Variants in CCSER1 observed in about 807,000 individuals in gnomAD.
The protein encoded by CCSER1 is coiled-coil serine rich protein 1.
A neutral mutation model predicts 82.0 loss-of-function variants in CCSER1; 41 were observed. The observed-to-expected ratio is 0.50, with a 90% confidence interval of 0.39 to 0.65. The LOEUF is 0.65. CCSER1 is among the 30% of genes least tolerant of loss of function. CCSER1 has a pLI of 0.00. For synonymous variants in CCSER1, 414 were observed against 383.9 expected (o/e 1.08, Z -0.92); for missense variants, 1,119 against 1,064.2 (o/e 1.05, Z -0.72).
intron 9 of CCSER1, among the ~76,000 whole-genome samples, chr4:91,071,494 T>C (rs576752203): frequency 3.2e-4 from 49 of 152,286 alleles, no homozygotes; most frequent in African/African-American, 1.1e-3. Context: ...GGTGGAAGAA[T>C]GCTTGGCATG....
chr4:91,251,537 C>A (rs747353727), intron 10 of CCSER1, among the ~76,000 whole-genome samples: 2 of 152,120 alleles, frequency 1.3e-5, no homozygotes, highest in Non-Finnish European at 2.9e-5. Context: ...TAAAGTTAAT[C>A]ATGTAGTTAT....
rs767622036 is a variant in CCSER1, at chr4:90,488,586, G to A, written c.1724+20232G>A. Among the ~76,000 whole-genome samples the A allele has an allele frequency of 2.9e-4, 44 of 152,260 alleles. 1 individual carries two copies. The highest frequency in any genetic ancestry group is 6.8e-3 in the Middle Eastern group (2 of 294). On this transcript the variant is annotated intron_variant, in intron 5 of 10. Coordinates refer to ENST00000509176, the MANE Select transcript of CCSER1 (RefSeq NM_001145065.2). The stretch of plus-strand genomic sequence containing the variant: ...CCCTCTAAGTATGAATCTAGTAAAT[G>A]TGGAGACCAAAATTGCATAAGAAAT...
chr4:90,734,714 T>G (rs1002148836), intron 7 of CCSER1, among the ~76,000 whole-genome samples: 1 of 152,244 alleles, frequency 6.6e-6, no homozygotes, highest in South Asian at 2.1e-4. Context: ...TTCTAATAAT[T>G]TTTTTGGTGG....
At chr4:91,446,812 A>G (rs1232439604) in intron 10 of CCSER1, among the ~76,000 whole-genome samples, 1 of 151,662 alleles carries the variant, frequency 6.6e-6, no homozygotes, top group Non-Finnish European at 1.5e-5. Context: ...TTAGATATTT[A>G]GGTTATTTCA....
intron 10 of CCSER1, among the ~76,000 whole-genome samples, chr4:91,585,219 T>TA (rs1311385707): frequency 6.6e-6 from 1 of 151,504 alleles, no homozygotes; most frequent in Admixed American, 6.6e-5. Flanking sequence ...AATATATACT[T>TA]ACTCCTTATT....
chr4:90,660,520 T>C (rs953530012), intron 6 of CCSER1, among the ~76,000 whole-genome samples: 2 of 152,254 alleles, frequency 1.3e-5, no homozygotes, highest in East Asian at 1.9e-4. Context: ...ATTCTTCAAG[T>C]TATGTCTTAT....
At chr4:91,535,021 C>G (rs1466070388) in intron 10 of CCSER1, among the ~76,000 whole-genome samples, 2 of 151,638 alleles carry the variant, frequency 1.3e-5, no homozygotes, top group African/African-American at 4.8e-5. Flanking sequence ...GTTATAAACT[C>G]TACTACAGAT....
At chr4:91,041,884 C>T (rs904548778) in intron 9 of CCSER1, among the ~76,000 whole-genome samples, 4 of 152,142 alleles carry the variant, frequency 2.6e-5, no homozygotes, top group African/African-American at 7.2e-5. Flanking sequence ...CCTGAGGATG[C>T]GCAGACATTG....
At chr4:91,023,308 C>T (rs374911550) in intron 9 of CCSER1, among the ~76,000 whole-genome samples, 12 of 152,042 alleles carry the variant, frequency 7.9e-5, no homozygotes, top group Admixed American at 1.3e-4. Context: ...AAAAACTACT[C>T]TAAAGTTCAT....
At position 91,059,950 on chromosome 4, in the gene CCSER1, A is replaced by G. The variant is rs1285506793; in HGVS notation, c.2173-26000A>G. On this transcript the variant is annotated intron_variant, in intron 9 of 10. Transcript: ENST00000509176. Reference sequence around the variant, plus strand: ...CTCTATCACTGCTGAAATGCCAACAAAAATAGTAACTGCTTTTTTCTCTAG... The same window carrying G: ...CTCTATCACTGCTGAAATGCCAACAGAAATAGTAACTGCTTTTTTCTCTAG... Among the ~76,000 whole-genome samples, 9 of 152,048 alleles carry G rather than the reference A, an allele frequency of 5.9e-5. No homozygotes were observed. In the East Asian group the frequency reaches 1.7e-3, roughly 29 times the overall value.
intron 10 of CCSER1, among the ~76,000 whole-genome samples, chr4:91,094,481 A>G (rs1724294440): frequency 6.6e-6 from 1 of 152,190 alleles, no homozygotes. Context: ...AACCAAGCGT[A>G]AGTCCTGTAC....
At chr4:90,283,651 C>T (rs1729288336) in intron 1 of CCSER1, among the ~76,000 whole-genome samples, 1 of 151,882 alleles carries the variant, frequency 6.6e-6, no homozygotes, top group Non-Finnish European at 1.5e-5. Context: ...CGAGCAATCC[C>T]TCTTTATCTC....
chr4:90,868,324 C>T (rs984873380), intron 8 of CCSER1, among the ~76,000 whole-genome samples: 3 of 151,990 alleles, frequency 2.0e-5, no homozygotes, highest in Non-Finnish European at 4.4e-5. Context: ...TACTAAACAT[C>T]CCTTTTTCCC....
chr4:91,327,197 T>C (rs1746630033), intron 10 of CCSER1, among the ~76,000 whole-genome samples: 1 of 152,176 alleles, frequency 6.6e-6, no homozygotes, highest in Admixed American at 6.5e-5. Context: ...GTAGAGTTTC[T>C]CCGTGAGGGC....
intron 10 of CCSER1, among the ~76,000 whole-genome samples, chr4:91,555,468 A>G (rs1384385114): frequency 6.6e-6 from 1 of 151,152 alleles, no homozygotes; most frequent in Non-Finnish European, 1.5e-5. Context: ...GCACATAGTA[A>G]TCAATCAACT....
At chr4:90,805,889 A>G (rs139692828) in intron 7 of CCSER1, among the ~76,000 whole-genome samples, 69 of 152,316 alleles carry the variant, frequency 4.5e-4, no homozygotes, top group Non-Finnish European at 9.0e-4. Flanking sequence ...CTACACATCA[A>G]TATGATTTCT....
At chr4:90,821,153 C>A (rs989493004) in intron 8 of CCSER1, among the ~76,000 whole-genome samples, 2 of 152,132 alleles carry the variant, frequency 1.3e-5, no homozygotes, top group Admixed American at 1.3e-4. Context: ...ATTACAGTAT[C>A]ATTTCAATCA....
intron 10 of CCSER1, among the ~76,000 whole-genome samples, chr4:91,232,119 CT>C (rs1411044109): frequency 6.6e-6 from 1 of 151,734 alleles, no homozygotes; most frequent in East Asian, 1.9e-4. Context: ...ATAGAACACA[CT>C]ATAAAAGCTT....
chr4:91,097,234 G>A (rs1724599001), intron 10 of CCSER1, among the ~76,000 whole-genome samples: 1 of 152,132 alleles, frequency 6.6e-6, no homozygotes, highest in African/African-American at 2.4e-5. Context: ...AATTATGGTT[G>A]AATATCTAAA....
Sources: gnomAD v4.1 joint callset for allele counts (sites outside exome capture counted in the v4.1 genomes callset) on GRCh38, gnomAD v4.1.1 for gene constraint, MANE v1.5 for transcripts, NCBI Gene and HGNC (gene_info 2026-07-23, HGNC 2026-07-21) for gene names.